Variants in IL2RG observed in about 807,000 individuals in gnomAD.
IL2RG encodes the protein interleukin 2 receptor subunit gamma.
For synonymous variants in IL2RG, 111 were observed against 108.5 expected (o/e 1.02, Z -0.15); for missense variants, 205 against 272.9 (o/e 0.75, Z 1.75).
rs762747166 is a variant in IL2RG at position 71,107,927 on chromosome X, GAC to G, written c.925-8_925-7del. The G allele has an allele frequency of 8.3e-7, 1 of 1,198,764 alleles. No individual in the cohort carries two copies. The highest frequency in any genetic ancestry group is 2.2e-5 in the Admixed American group (1 of 45,646). On this transcript the variant is annotated splice_region_variant and splice_polypyrimidine_tract_variant and intron_variant, in intron 7 of 7. Coordinates refer to ENST00000374202, the MANE Select transcript of IL2RG (RefSeq NM_000206.3). ...TTAGACACACCACTCCAGGCCTAAA[GAC>G]AGATATGTCCAGGTCAGGGGTCAAT...
At chrX:71,109,484 A>C (rs1418506169) in intron 4 of IL2RG, 94 bp from the exon 5 acceptor site, 6 of 840,820 alleles carry the variant, frequency 7.1e-6, no homozygotes, top group East Asian at 6.8e-5. Flanking sequence ...CATCTCTGCT[A>C]CTGCCCAGTT....
At chrX:71,108,398 C>G in intron 6 of IL2RG, 52 bp from the exon 7 acceptor site, 1 of 882,422 alleles carries the variant, frequency 1.1e-6, no homozygotes, top group Non-Finnish European at 1.7e-6. Context: ...GCTTTTTTAT[C>G]ACCCTTCTCC....
chrX:71,111,308 C>G, intron 1 of IL2RG, 117 bp downstream of exon 1: 1 of 1,030,034 alleles, frequency 9.7e-7, no homozygotes, highest in Admixed American at 2.9e-5. Flanking sequence ...CCTTCCCACT[C>G]CACTTTTCAA....
Position 71,111,027 on chromosome X carries a change from T to C in IL2RG, c.139A>G (p.Thr47Ala). The C allele has an allele frequency of 1.7e-6, 2 of 1,201,454 alleles. No individual in the cohort carries two copies. The highest frequency in any genetic ancestry group is 2.2e-6 in the Non-Finnish European group (2 of 889,509). ...AGAGTGGAAACACTGAGGGAGTCAG[T>C]GGGCATAGTGGTCAGGAAGAAATCT... ...TADFFLTTMP[T>A]DSLSVSTLPL... is the part of the protein sequence containing the mutation. Residue 47 changes from threonine to alanine, a missense_variant, in exon 2 of 8, where the codon ACT (threonine) becomes GCT (alanine). Coordinates refer to ENST00000374202, the MANE Select transcript of IL2RG (RefSeq NM_000206.3).
At position 71,111,061 on chromosome X, in the gene IL2RG, G is replaced by T. The variant is rs1376599582; in HGVS notation, c.116-11C>A. 1 of 1,187,191 alleles carries T rather than the reference G, an allele frequency of 8.4e-7. No homozygotes were observed. On this transcript the variant is annotated splice_polypyrimidine_tract_variant and intron_variant, in intron 1 of 7. Transcript: ENST00000374202. ...TGGTCAGGAAGAAATCTAGATTGGG[G>T]AGAAAATGAAGGCAGGGAGGGAAAG...
rs752921124 is a variant in IL2RG at position 71,110,246 on chromosome X, G to A, written c.504C>T (p.Ser168=). The change falls in exon 4 of 8, where the codon TCC becomes TCT. Residue 168 remains serine, a synonymous_variant. Transcript: ENST00000374202. ...TGTTGTTCCAGTTCAGTTCTAGCTGGGATTCACTCAGTTTGTGAAGTGTTA... is the reference window on the plus strand; with the variant it reads ...TGTTGTTCCAGTTCAGTTCTAGCTGAGATTCACTCAGTTTGTGAAGTGTTA... ...ENLTLHKLSE[S]QLELNWNNRF... is the part of the protein sequence containing the mutation. 5.8e-6 allele frequency: 7 copies of A among 1,207,693 alleles called. No individual in the cohort carries two copies. In the African/African-American group the frequency reaches 1.1e-4, roughly 18 times the overall value.
intron 6 of IL2RG, 100 bp from the exon 7 acceptor site, chrX:71,108,446 C>G (rs757747431): frequency 1.4e-6 from 1 of 719,063 alleles, no homozygotes; most frequent in African/African-American, 2.1e-5. Flanking sequence ...TCTGTGTTCT[C>G]TGTGCCTGTG....
In IL2RG at chrX:71,110,659, T is replaced by C; in HGVS notation, c.299A>G (p.Gln100Arg). The change falls in exon 3 of 8, where the codon CAG (glutamine) becomes CGG (arginine). Residue 100 changes from glutamine to arginine, a missense_variant. Physicochemically the swap from Gln to Arg is conservative, Grantham distance 43. Transcript: ENST00000374202. ...AGAGAATAGATAGTGGCTGCACTTC[T>C]GGACTTTATCATTATCCGAGTTCTT... The part of the protein sequence containing the change: ...WYKNSDNDKV[Q>R]KCSHYLFSEE... 1 of 1,210,508 alleles carries C rather than the reference T, an allele frequency of 8.3e-7. No individual in the cohort carries two copies.
chrX:71,107,423 G>A lies in IL2RG; in HGVS notation c.*313C>T. On this transcript the variant is annotated 3_prime_UTR_variant, in exon 8 of 8. Coordinates refer to ENST00000374202, the MANE Select transcript of IL2RG (RefSeq NM_000206.3). Reference sequence around the variant, plus strand: ...CAGACATTTTTGATGATTATCAACAGAAACTTTATTTCTCATCGGTTCAGG... The same window carrying A: ...CAGACATTTTTGATGATTATCAACAAAAACTTTATTTCTCATCGGTTCAGG... 4.5e-6 allele frequency: 1 copy of A among 220,074 alleles called. No individual in the cohort carries two copies. Among genetic ancestry groups the A allele is most frequent in the Admixed American group, 7.0e-5 (1 of 14,366 alleles). 18.1% of individuals were successfully genotyped at this position (220,074 alleles called of 1,213,427 possible).
chrX:71,107,578 G>A lies in IL2RG; in HGVS notation c.*158C>T, dbSNP rs983777779. 1.4e-5 allele frequency: 5 copies of A among 351,409 alleles called. No homozygotes were observed. Among genetic ancestry groups the A allele is most frequent in the African/African-American group, 7.9e-5 (3 of 37,825 alleles). 29.0% of individuals were successfully genotyped at this position (351,409 alleles called of 1,213,427 possible). A position where few individuals can be genotyped will look rare whatever the true frequency, so the allele number is the denominator to read the frequency against. On this transcript the variant is annotated 3_prime_UTR_variant, in exon 8 of 8. Coordinates refer to ENST00000374202, the MANE Select transcript of IL2RG (RefSeq NM_000206.3). ...GGGCAAAAGGGTAATTCTCAAGTGG[G>A]GAATGCCAAATGAAGGGGTGCTTAC...
At chrX:71,110,859 C>A in intron 2 of IL2RG, 38 bp downstream of exon 2, 1 of 1,200,798 alleles carries the variant, frequency 8.3e-7, no homozygotes, top group Non-Finnish European at 1.1e-6. Flanking sequence ...ATCCAACCCA[C>A]CTCTTCTTCA....
At chrX:71,108,188 T>C (rs1448918341) in intron 7 of IL2RG, 89 bp downstream of exon 7, 7 of 708,171 alleles carry the variant, frequency 9.9e-6, no homozygotes, top group South Asian at 2.2e-5. Context: ...TTCCCTCTCC[T>C]CTCTGCCCCC....
intron 7 of IL2RG, 95 bp downstream of exon 7, chrX:71,108,182 C>G (rs2092255109): frequency 1.5e-6 from 1 of 677,744 alleles, no homozygotes; most frequent in Admixed American, 2.3e-5. Context: ...GCCTCCTTCC[C>G]TCTCCTCTCT....
chrX:71,110,712 A>G, intron 2 of IL2RG, 24 bp from the exon 3 acceptor site: 4 of 1,182,907 alleles, frequency 3.4e-6, no homozygotes, highest in Non-Finnish European at 4.6e-6. Flanking sequence ...GTTGGAAGGA[A>G]GAGGAACAGT....
Position 71,108,483 on chromosome X carries a change from G to C in IL2RG, c.854+116C>G, listed in dbSNP as rs11574626. 6.7e-4 allele frequency: 460 copies of C among 691,187 alleles called. 1 individual carries two copies. The highest frequency in any genetic ancestry group is 9.9e-4 in the Non-Finnish European group (434 of 438,473). 57.0% of individuals were successfully genotyped at this position (691,187 alleles called of 1,213,427 possible). ...CTTCCTTCCATCACCAAACCCTCTT[G>C]GGTAATCTCTCATTACTTACTGTCT... On this transcript the variant is annotated intron_variant, in intron 6 of 7. Transcript: ENST00000374202.
At chrX:71,108,009 T>C in intron 7 of IL2RG, 88 bp from the exon 8 acceptor site, 1 of 736,278 alleles carries the variant, frequency 1.4e-6, no homozygotes, top group Non-Finnish European at 2.1e-6. Context: ...TCATGATGTC[T>C]GCAACCACTG....
At chrX:71,111,161 G>A in intron 1 of IL2RG, 111 bp from the exon 2 acceptor site, 2 of 850,291 alleles carry the variant, frequency 2.4e-6, no homozygotes, top group Non-Finnish European at 1.7e-6. Context: ...AAAGGCTGAG[G>A]CAGGAGGATC....
chrX:71,109,526 C>T (rs2092258601), intron 4 of IL2RG, 136 bp from the exon 5 acceptor site: 1 of 571,711 alleles, frequency 1.7e-6, no homozygotes, highest in Non-Finnish European at 2.8e-6. Flanking sequence ...TCAAGCCACA[C>T]TGCTCCCTTC....
rs374102717 is a variant in IL2RG at position 71,109,326 on chromosome X, G to A, written c.659C>T (p.Thr220Met). The A allele has an allele frequency of 1.3e-4, 155 of 1,208,638 alleles. No individual in the cohort carries two copies. Among genetic ancestry groups the A allele is most frequent in the Non-Finnish European group, 1.6e-4 (146 of 893,754 alleles). The change falls in exon 5 of 8, where the codon ACG (threonine) becomes ATG (methionine). Residue 220 changes from threonine (T) to methionine (M), a missense_variant. Physicochemically the swap from Thr to Met is moderately conservative, Grantham distance 81 (BLOSUM62 -1). Transcript: ENST00000374202. ...LPSVDGQKRY[T>M]FRVRSRFNPL... is the part of the protein sequence containing the mutation. ...GTTAAAGCGGCTCCGAACACGAAAC[G>A]TGTAGCGTTTCTGCCCATCCACACT...
Sources: allele counts gnomAD v4.1 joint callset, GRCh38; gene constraint gnomAD v4.1.1; transcripts MANE v1.5; gene names NCBI Gene and HGNC (gene_info 2026-07-23, HGNC 2026-07-21).